ACSM3: variants seen among roughly 807,000 people sequenced by gnomAD.
ACSM3 encodes acyl-coenzyme A synthetase ACSM3, mitochondrial.
ACSM3 carries 61 observed loss-of-function variants against 74.1 expected under a neutral mutation model. That is an observed-to-expected ratio of 0.82 (90% CI 0.67 to 1.02). The LOEUF (loss-of-function observed/expected upper bound fraction) is 1.02. Among genes scored for constraint, ACSM3 ranks in the 50% least tolerant of loss-of-function variants. ACSM3 has a pLI of 0.00. For missense variants in ACSM3, 660 were observed against 697.0 expected (o/e 0.95, Z 0.60); for synonymous variants, 213 against 241.5 (o/e 0.88, Z 1.09).
chr16:20,770,794 G>C (rs560975349), intron 2 of ACSM3, among the ~76,000 whole-genome samples: 1 of 152,034 alleles, frequency 6.6e-6, no homozygotes, highest in Admixed American at 6.6e-5. Context: ...GGGGTACAAA[G>C]ATATTTTTGA....
rs148354017 is a variant in ACSM3 at position 20,781,063 on chromosome 16, C to T, written c.872C>T (p.Pro291Leu). ...AKSAWSSVFS[P>L]WIQGACVFTH... The stretch of plus-strand genomic sequence containing the variant: ...TCTGCATGGAGTAGTGTTTTTTCTC[C>T]GTGGATCCAGGGAGCATGTGTATTC... Residue 291 changes from proline (P) to leucine (L), a missense_variant, in exon 6 of 14, where the codon CCG becomes CTG. Coordinates refer to ENST00000289416, the MANE Select transcript of ACSM3 (RefSeq NM_005622.4). The T allele has an allele frequency of 2.5e-5, 41 of 1,613,964 alleles. No individual in the cohort carries two copies. Among genetic ancestry groups the T allele is most frequent in the Middle Eastern group, 1.6e-4 (1 of 6,082 alleles).
At chr16:20,682,371 C>A in intron 1 of ACSM3, 2 of 1,613,960 alleles carry the variant, frequency 1.2e-6, no homozygotes, top group African/African-American at 1.3e-5. Flanking sequence ...GCAAGGGCAT[C>A]TATGGTCACA....
Position 20,777,396 on chromosome 16 carries a change from A to T in ACSM3, c.454A>T (p.Thr152Ser). The T allele has an allele frequency of 2.5e-6, 4 of 1,614,006 alleles. No homozygotes were observed. The highest frequency in any genetic ancestry group is 1.7e-6 in the Non-Finnish European group (2 of 1,179,936). ...AGGGACAGTTTTAATTCCAGGAACC[A>T]CTCAGCTGACCCAGAAAGACATTCT... The part of the protein sequence containing the change: ...RTGTVLIPGT[T>S]QLTQKDILYR... Residue 152 changes from threonine to serine, a missense_variant, in exon 4 of 14, where the codon ACT becomes TCT. Thr to Ser is a moderately conservative substitution (Grantham distance 58). Transcript: ENST00000289416.
In ACSM3 at chr16:20,700,908, G is replaced by A. The variant is rs149062989; in HGVS notation, c.-190+26086G>A. Among the ~76,000 whole-genome samples, 131 of 152,200 alleles carry A rather than the reference G, an allele frequency of 8.6e-4. 1 individual carries two copies. In the East Asian group the frequency reaches 0.02, roughly 24 times the overall value. On this transcript the variant is annotated intron_variant, in intron 1 of 3. Coordinates refer to the ACSM3 transcript ENST00000561584. ...AAGAATGGATGTGGGGATGCCAGTC[G>A]GGAGGCTACTGCAATAGACTAAACA...
chr16:20,731,908 T>C lies in ACSM3; in HGVS notation c.-189-18002T>C, dbSNP rs1405886145. ...GTTTTGTTAGAACAGTATAAATGCA[T>C]TATAAACTAGAGCCTTTAATCAACT... On this transcript the variant is annotated intron_variant, in intron 1 of 3. Coordinates refer to the ACSM3 transcript ENST00000561584. Among the ~76,000 whole-genome samples, 2 of 152,198 alleles carry C rather than the reference T, an allele frequency of 1.3e-5. 1 individual carries two copies. The highest frequency in any genetic ancestry group is 1.3e-4 in the Admixed American group (2 of 15,278).
intron 1 of ACSM3, among the ~76,000 whole-genome samples, chr16:20,717,956 G>GGAAGAGGAAGAGGAAGAAGAAGAAGAA (rs1190590436): frequency 5.4e-5 from 4 of 74,410 alleles, no homozygotes; most frequent in Non-Finnish European, 8.4e-5. Flanking sequence ...AAGAGGAAGA[G>GGAAGAGGAAGAGGAAGAAGAAGAAGAA]GAAGAAGAAG....
intron 1 of ACSM3, chr16:20,685,083 G>A: frequency 8.6e-7 from 1 of 1,156,398 alleles, no homozygotes. Flanking sequence ...CTGGGGCGAA[G>A]GCTTCAAAGC....
chr16:20,695,956 G>A (rs1420169537), intron 1 of ACSM3, among the ~76,000 whole-genome samples: 1 of 152,176 alleles, frequency 6.6e-6, no homozygotes, highest in Admixed American at 6.5e-5. Flanking sequence ...CATTGTCAGT[G>A]ATGGATCACA....
At chr16:20,733,739 G>T (rs1002034333) in intron 1 of ACSM3, 1 of 151,926 alleles carries the variant, frequency 6.6e-6, no homozygotes, top group Admixed American at 6.6e-5. Context: ...ATTTCTGGCC[G>T]TACCAAAAGC....
chr16:20,731,540 C>T (rs1596487638), intron 1 of ACSM3: 1 of 233,260 alleles, frequency 4.3e-6, no homozygotes, highest in African/African-American at 2.3e-5. Flanking sequence ...TATTAACAAA[C>T]AGTAAGTACC....
intron 1 of ACSM3, among the ~76,000 whole-genome samples, chr16:20,677,366 C>T (rs1449137612): frequency 6.6e-6 from 1 of 152,178 alleles, no homozygotes; most frequent in African/African-American, 2.4e-5. Flanking sequence ...CATGGCATCA[C>T]CCAGTGACAT....
At chr16:20,736,882 A>G (rs1426122381) in intron 1 of ACSM3, 2 of 1,613,538 alleles carry the variant, frequency 1.2e-6, no homozygotes, top group East Asian at 2.2e-5. Flanking sequence ...ATGACTTCCT[A>G]TGAGAAGTCA....
chr16:20,717,959 A>AGAGGAAGAG (rs1249114995), intron 1 of ACSM3, among the ~76,000 whole-genome samples: 619 of 51,700 alleles, frequency 0.012, no homozygotes, highest in Non-Finnish European at 0.016. Context: ...AGGAAGAGGA[A>AGAGGAAGAG]GAAGAAGAAG....
At chr16:20,753,954 G>A (rs2080008607) in intron 2 of ACSM3, among the ~76,000 whole-genome samples, 1 of 152,180 alleles carries the variant, frequency 6.6e-6, no homozygotes, top group South Asian at 2.1e-4. Context: ...GATGATGCAA[G>A]AGAGAGGAAG....
intron 1 of ACSM3, chr16:20,734,147 A>T (rs2079848878): frequency 6.6e-6 from 1 of 152,620 alleles, no homozygotes; most frequent in Non-Finnish European, 1.5e-5. Flanking sequence ...CAAACTGTAT[A>T]ATCAAAATCT....
intron 1 of ACSM3, among the ~76,000 whole-genome samples, chr16:20,767,579 C>T (rs1341783203): frequency 6.6e-6 from 1 of 151,706 alleles, no homozygotes; most frequent in Non-Finnish European, 1.5e-5. Flanking sequence ...ACCCAATCCC[C>T]AATGCCAAAC....
intron 1 of ACSM3, chr16:20,732,906 G>C (rs2079839593): frequency 6.2e-6 from 1 of 161,974 alleles, no homozygotes; most frequent in African/African-American, 2.4e-5. Flanking sequence ...CCGTCAATTA[G>C]GTGGAATTTG....
intron 1 of ACSM3, among the ~76,000 whole-genome samples, chr16:20,712,239 G>T (rs2079746275): frequency 2.6e-5 from 4 of 152,078 alleles, no homozygotes; most frequent in South Asian, 4.2e-4. Context: ...CAGCAGAGTG[G>T]AGTAGTTACA....
intron 1 of ACSM3, among the ~76,000 whole-genome samples, chr16:20,700,156 C>A (rs2152354720): frequency 6.6e-6 from 1 of 152,272 alleles, no homozygotes; most frequent in South Asian, 2.1e-4. Context: ...AAATATCCTA[C>A]CAACCTCAGC....
Sources: allele counts gnomAD v4.1 joint callset (sites outside exome capture counted in the v4.1 genomes callset), GRCh38; gene constraint gnomAD v4.1.1; transcripts MANE v1.5; gene names NCBI Gene and HGNC (gene_info 2026-07-23, HGNC 2026-07-21).